The following CERCAM variants were observed in gnomAD, a reference collection of about 807,000 sequenced individuals.
CERCAM encodes the protein inactive glycosyltransferase 25 family member 3.
In CERCAM, 59 loss-of-function variants were observed where a neutral mutation model predicts 66.0. That is an observed-to-expected ratio of 0.89 (90% CI 0.73 to 1.11). The LOEUF (loss-of-function observed/expected upper bound fraction) is 1.11. Ranked by LOEUF, CERCAM falls within the 50% of genes most tolerant of loss-of-function variation. The probability of loss-of-function intolerance (pLI) is 0.00; values close to 1 mark genes in which losing one functional copy is unlikely to be tolerated. For synonymous variants in CERCAM, 318 were observed against 343.6 expected (o/e 0.93, Z 0.83); for missense variants, 840 against 828.3 (o/e 1.01, Z -0.17).
At chr9:128,429,893 G>A (rs1833935757) in intron 8 of CERCAM, among the ~76,000 whole-genome samples, 1 of 151,728 alleles carries the variant, frequency 6.6e-6, no homozygotes, top group Non-Finnish European at 1.5e-5. Context: ...GGTTTTAAGT[G>A]ATTCTCCTCC....
At position 128,435,826 on chromosome 9, in the gene CERCAM, A is replaced by AG; in HGVS notation, c.1710dup (p.Thr571AspfsTer24). On this transcript the variant is annotated frameshift_variant, in exon 12 of 13. Coordinates refer to ENST00000372838, the MANE Select transcript of CERCAM (RefSeq NM_016174.5). LOFTEE classifies it high-confidence loss of function. ...CTCATCAGCTGGAGCGGCTCCCAAA[A>AG]GACCCTGCGCAGCCCCCGCCTGGAC... is the stretch of plus-strand genomic sequence containing the variant. 1 of 1,610,940 alleles carries AG rather than the reference A, an allele frequency of 6.2e-7. No homozygotes were observed.
rs1456155046 is a variant in CERCAM at position 128,421,067 on chromosome 9, G to A, written c.190G>A (p.Ala64Thr). 2 of 1,316,036 alleles carry A rather than the reference G, an allele frequency of 1.5e-6. No individual in the cohort carries two copies. Among genetic ancestry groups the A allele is most frequent in the South Asian group, 2.0e-5 (1 of 49,498 alleles). The allele number at this position is 1,316,036 out of a possible 1,614,324, so 81.5% of individuals were successfully genotyped here. A position where few individuals can be genotyped will look rare whatever the true frequency, so the allele number is the denominator to read the frequency against. The change falls in exon 1 of 13, where the codon GCC becomes ACC. Residue 64 changes from alanine (A) to threonine (T), a missense_variant. Physicochemically the swap from Ala to Thr is moderately conservative, Grantham distance 58. Transcript: ENST00000372838. ...ERLDYPRARM[A>T]LWCATDHNVD... ...GCTGGACTACCCCCGGGCCAGGATG[G>A]CCCTCTGGTGAGAGACCCGGGCATT... is the stretch of plus-strand genomic sequence containing the variant.
intron 9 of CERCAM, chr9:128,431,509 A>C (rs1026710536): frequency 3.3e-6 from 2 of 599,372 alleles, no homozygotes; most frequent in Non-Finnish European, 5.8e-6. Flanking sequence ...AGCATCTACT[A>C]TGTGCTAGGA....
At chr9:128,436,066 G>GT (rs1185744989) in intron 12 of CERCAM, among the ~76,000 whole-genome samples, 161 bp downstream of exon 12, 2 of 151,872 alleles carry the variant, frequency 1.3e-5, no homozygotes, top group African/African-American at 4.8e-5. Context: ...TTGTTTGTTT[G>GT]TTTTTTTTAG....
At chr9:128,422,075 A>G (rs1328711044) in intron 1 of CERCAM, 1 of 152,246 alleles carries the variant, frequency 6.6e-6, no homozygotes, top group African/African-American at 2.4e-5. Flanking sequence ...CGCTTAGAGC[A>G]TGGTTTGGTC....
Position 128,435,790 on chromosome 9 carries a change from A to T in CERCAM, c.1673A>T (p.Asp558Val). ...GAGACATCCTCTCCATGGGATGATG[A>T]CAGCGGCCGCCTCATCAGCTGGAGC... is the stretch of plus-strand genomic sequence containing the variant. ...DTETSSPWDDDSGRLISWSGS... is the reference protein window; with the variant it reads ...DTETSSPWDDVSGRLISWSGS... Residue 558 changes from aspartate (D) to valine (V), a missense_variant, in exon 12 of 13, where the codon GAC (aspartate) becomes GTC (valine). Asp to Val is a radical substitution (Grantham distance 152, BLOSUM62 -3). Coordinates refer to ENST00000372838, the MANE Select transcript of CERCAM (RefSeq NM_016174.5). The T allele has an allele frequency of 6.2e-7, 1 of 1,612,858 alleles. No homozygotes were observed. The highest frequency in any genetic ancestry group is 8.5e-7 in the Non-Finnish European group (1 of 1,179,742).
At chr9:128,424,779 T>C (rs1833802241) in intron 5 of CERCAM, among the ~76,000 whole-genome samples, 165 bp downstream of exon 5, 1 of 151,568 alleles carries the variant, frequency 6.6e-6, no homozygotes, top group Non-Finnish European at 1.5e-5. Context: ...TTTTTTTTTT[T>C]TGGTGTGATC....
chr9:128,421,466 G>A, intron 1 of CERCAM: 1 of 1,001,450 alleles, frequency 1.0e-6, no homozygotes, highest in Non-Finnish European at 1.2e-6. Context: ...GTCCACTGGG[G>A]CCCAACGTGG....
chr9:128,434,548 A>C lies in CERCAM; in HGVS notation c.1470A>C (p.Ser490=). The C allele has an allele frequency of 1.2e-6, 2 of 1,612,048 alleles. No homozygotes were observed. The highest frequency in any genetic ancestry group is 1.7e-6 in the Non-Finnish European group (2 of 1,179,752). ...RLAGARKLLA[S]QPLRRMLPVD... ...CGGGTGCCCGCAAGCTGCTGGCCTC[A>C]CAGCCTCTGCGCCGCATGCTGCCCG... Residue 490 remains serine, a synonymous_variant, in exon 11 of 13, where the codon TCA becomes TCC. Transcript: ENST00000372838. This position sits in a 1 kb window ranked among gnomAD's most constrained non-coding sequence, Gnocchi z 4.5.
At position 128,424,186 on chromosome 9, in the gene CERCAM, C is replaced by T; in HGVS notation, c.475C>T (p.Leu159Phe). ...ILTNNQTLRLLMGQGLPVVAP... is the reference protein window; with the variant it reads ...ILTNNQTLRLFMGQGLPVVAP... ...GACCAACAATCAGACTCTGCGGCTT[C>T]TCATGGGGCAGGGGCTTCCAGTGGT... is the stretch of plus-strand genomic sequence containing the variant. The change falls in exon 4 of 13, where the codon CTC becomes TTC. Residue 159 changes from leucine to phenylalanine, a missense_variant. Coordinates refer to ENST00000372838, the MANE Select transcript of CERCAM (RefSeq NM_016174.5). 1.2e-6 allele frequency: 2 copies of T among 1,614,208 alleles called. No homozygotes were observed. The highest frequency in any genetic ancestry group is 1.7e-6 in the Non-Finnish European group (2 of 1,180,046).
At position 128,424,410 on chromosome 9, in the gene CERCAM, G is replaced by T; in HGVS notation, c.562G>T (p.Gly188Cys). 6.2e-7 allele frequency: 1 copy of T among 1,613,902 alleles called. No homozygotes were observed. Among genetic ancestry groups the T allele is most frequent in the South Asian group, 1.1e-5 (1 of 91,074 alleles). The change falls in exon 5 of 13, where the codon GGC becomes TGC. Residue 188 changes from glycine to cysteine, a missense_variant and splice_region_variant. Transcript: ENST00000372838. Reference sequence around the variant, plus strand: ...AGCCCAAAGCATCCCTTTTCCCCAGGGCTACTACCGCCGCACAGCCGAGTA... The same window carrying T: ...AGCCCAAAGCATCCCTTTTCCCCAGTGCTACTACCGCCGCACAGCCGAGTA... ...SNFWCGITPQ[G>C]YYRRTAEYFP...
chr9:128,423,400 T>TGG (rs1833758700), intron 3 of CERCAM, 137 bp downstream of exon 3: 1 of 695,486 alleles, frequency 1.4e-6, no homozygotes, highest in Admixed American at 2.4e-5. Context: ...GTGGATCACC[T>TGG]GAGGTCAGAA....
At position 128,435,757 on chromosome 9, in the gene CERCAM, G is replaced by A; in HGVS notation, c.1640G>A (p.Ser547Asn). 5 of 1,613,454 alleles carry A rather than the reference G, an allele frequency of 3.1e-6. No homozygotes were observed. Among genetic ancestry groups the A allele is most frequent in the Non-Finnish European group, 4.2e-6 (5 of 1,179,900 alleles). The change falls in exon 12 of 13, where the codon AGT becomes AAT. Residue 547 changes from serine (S) to asparagine (N), a missense_variant. By Grantham distance (46) the Ser-to-Asn change is conservative. Coordinates refer to ENST00000372838, the MANE Select transcript of CERCAM (RefSeq NM_016174.5). ...THYAGDAEWL[S>N]DTETSSPWDD... ...TATGCCGGGGACGCCGAGTGGCTCA[G>A]TGACACGGAGACATCCTCTCCATGG...
At chr9:128,433,558 G>A (rs1203015285) in intron 9 of CERCAM, among the ~76,000 whole-genome samples, 4 of 152,058 alleles carry the variant, frequency 2.6e-5, no homozygotes, top group Admixed American at 6.6e-5. Context: ...GGCCTCCACC[G>A]TTCCTGCTCC....
rs1833700004 is a variant in CERCAM, at chr9:128,421,132, C to T, written c.197+58C>T. ...ACCTAACCCCCAGCTTCGCAGATGGCCCCCGCCCCCGGCGGCCCTGTCTGC... is the reference window on the plus strand; with the variant it reads ...ACCTAACCCCCAGCTTCGCAGATGGTCCCCGCCCCCGGCGGCCCTGTCTGC... On this transcript the variant is annotated intron_variant, in intron 1 of 12. Coordinates refer to ENST00000372838, the MANE Select transcript of CERCAM (RefSeq NM_016174.5). 15 of 1,261,984 alleles carry T rather than the reference C, an allele frequency of 1.2e-5. 1 individual carries two copies. In the South Asian group the frequency reaches 3.1e-4, roughly 26 times the overall value. 78.2% of individuals were successfully genotyped at this position (1,261,984 alleles called of 1,614,324 possible).
chr9:128,422,976 C>T lies in CERCAM; in HGVS notation c.306C>T (p.Pro102=). The T allele has an allele frequency of 1.2e-6, 2 of 1,613,718 alleles. No individual in the cohort carries two copies. The highest frequency in any genetic ancestry group is 1.7e-6 in the Non-Finnish European group (2 of 1,180,000). ...AAVVWRPEGE[P]RFYPDEEGPK... is the part of the protein sequence containing the mutation. ...TGGTCTGGAGGCCTGAGGGCGAGCC[C>T]AGGTGGTGATCTGAGGGGAAGGGTG... Residue 102 remains proline, a splice_region_variant and synonymous_variant, in exon 2 of 13, where the codon CCC becomes CCT. Transcript: ENST00000372838.
chr9:128,421,088 G>A lies in CERCAM; in HGVS notation c.197+14G>A, dbSNP rs900327452. 1.1e-5 allele frequency: 14 copies of A among 1,282,714 alleles called. No individual in the cohort carries two copies. Among genetic ancestry groups the A allele is most frequent in the East Asian group, 3.1e-5 (1 of 31,880 alleles). The allele number at this position is 1,282,714 out of a possible 1,614,324, so 79.5% of individuals were successfully genotyped here. The stretch of plus-strand genomic sequence containing the variant: ...GATGGCCCTCTGGTGAGAGACCCGG[G>A]CATTGGCACCGAGTGGGCACCTAAC... On this transcript the variant is annotated intron_variant, in intron 1 of 12. Coordinates refer to ENST00000372838, the MANE Select transcript of CERCAM (RefSeq NM_016174.5).
rs1358614043 is a variant in CERCAM, at chr9:128,428,312, C to T, written c.777C>T (p.Val259=). ...AYACQAAGVS[V]HVCNEHRYGY... is the part of the protein sequence containing the mutation. ...AGCCTGTCTCTGCAGGGGTCTCCGT[C>T]CACGTGTGCAATGAGCACCGTTATG... is the stretch of plus-strand genomic sequence containing the variant. The change falls in exon 6 of 13, where the codon GTC becomes GTT. Residue 259 remains valine, a synonymous_variant. Transcript: ENST00000372838. 6.2e-7 allele frequency: 1 copy of T among 1,613,912 alleles called. No homozygotes were observed. The highest frequency in any genetic ancestry group is 8.5e-7 in the Non-Finnish European group (1 of 1,179,986).
rs576374091 is a variant in CERCAM at position 128,434,314 on chromosome 9, A to G, written c.1331+85A>G. Reference sequence around the variant, plus strand: ...TCCTGCTTGGGACCCTGGCCGGCCCATCCCCTGAGAGCCTGGCCCTGTAGG... The same window carrying G: ...TCCTGCTTGGGACCCTGGCCGGCCCGTCCCCTGAGAGCCTGGCCCTGTAGG... On this transcript the variant is annotated intron_variant, in intron 10 of 12. Coordinates refer to ENST00000372838, the MANE Select transcript of CERCAM (RefSeq NM_016174.5). This position sits in a 1 kb window ranked among gnomAD's most constrained non-coding sequence, Gnocchi z 4.5. 121 of 1,602,740 alleles carry G rather than the reference A, an allele frequency of 7.5e-5. No individual in the cohort carries two copies. The highest frequency in any genetic ancestry group is 1.4e-5 in the Non-Finnish European group (16 of 1,172,836).
Sources: gnomAD v4.1 joint callset for allele counts (sites outside exome capture counted in the v4.1 genomes callset) on GRCh38, gnomAD v4.1.1 for gene constraint, Gnocchi (gnomAD v3.1) non-coding constraint, MANE v1.5 for transcripts, NCBI Gene and HGNC (gene_info 2026-07-23, HGNC 2026-07-21) for gene names.